CFAP251: variants seen among roughly 807,000 people sequenced by gnomAD.
CFAP251 encodes cilia- and flagella-associated protein 251.
Under a neutral mutation model 126.7 loss-of-function variants are expected in CFAP251, and 93 were observed. The observed-to-expected ratio is 0.73, with a 90% CI of 0.62 to 0.87. CFAP251 has a LOEUF of 0.87. Ranked by LOEUF, CFAP251 falls within the 40% of genes least tolerant of loss-of-function variation. The pLI, the probability that CFAP251 is intolerant of heterozygous loss-of-function variation, is 0.00. For missense variants in CFAP251, 1,287 were observed against 1,389.2 expected, an observed-to-expected ratio of 0.93 and a Z score of 1.17; for synonymous variants, 503 against 506.9, an observed-to-expected ratio of 0.99 and a Z score of 0.10.
intron 8 of CFAP251, chr12:121,949,842 T>C: frequency 6.6e-6 from 1 of 152,362 alleles, no homozygotes; most frequent in Non-Finnish European, 1.5e-5. Flanking sequence ...TGAGCTGTGA[T>C]GGTGATGGTG....
At chr12:121,976,900 C>A (rs1047385041) in intron 19 of CFAP251, among the ~76,000 whole-genome samples, 1 of 151,852 alleles carries the variant, frequency 6.6e-6, no homozygotes, top group African/African-American at 2.4e-5. Context: ...AGAGCGAGAC[C>A]CTGTCTCAAA....
At chr12:121,923,485 T>C in intron 2 of CFAP251, 137 bp from the exon 3 acceptor site, 1 of 1,182,066 alleles carries the variant, frequency 8.5e-7, no homozygotes, top group Non-Finnish European at 1.2e-6. Flanking sequence ...GTACAAAATG[T>C]TCCAGCCTCT....
At chr12:121,968,285 T>C in intron 17 of CFAP251, 116 bp downstream of exon 17, 1 of 1,074,138 alleles carries the variant, frequency 9.3e-7, no homozygotes, top group Non-Finnish European at 1.3e-6. Flanking sequence ...TCACAGGGCC[T>C]GGCCTTCAGG....
chr12:121,941,474 C>T (rs1592973102), intron 5 of CFAP251, among the ~76,000 whole-genome samples: 1 of 149,830 alleles, frequency 6.7e-6, no homozygotes, highest in East Asian at 2.0e-4. Flanking sequence ...GTTGGGCCCA[C>T]AGGCACGTGC....
chr12:121,999,655 A>G (rs1198047446), intron 19 of CFAP251, 61 bp from the exon 20 acceptor site: 1 of 1,377,006 alleles, frequency 7.3e-7, no homozygotes, highest in African/African-American at 1.5e-5. Context: ...ATTTTTAGAA[A>G]TCTATCCTGG....
intron 7 of CFAP251, among the ~76,000 whole-genome samples, chr12:121,945,113 G>T (rs1881267281): frequency 6.6e-6 from 1 of 151,866 alleles, no homozygotes; most frequent in Non-Finnish European, 1.5e-5. Flanking sequence ...CTTTCTTCTT[G>T]GGTATTGTCA....
intron 15 of CFAP251, among the ~76,000 whole-genome samples, chr12:121,963,381 T>C (rs547399867): frequency 6.6e-6 from 1 of 152,046 alleles, no homozygotes; most frequent in South Asian, 2.1e-4. Context: ...CAAGGCAAGC[T>C]TGAGATGCCT....
intron 19 of CFAP251, among the ~76,000 whole-genome samples, chr12:121,979,563 C>CTTTT (rs71082922): frequency 4.7e-5 from 4 of 85,002 alleles, no homozygotes; most frequent in East Asian, 4.3e-4. Context: ...CTTTCTTCTT[C>CTTTT]TTTTTTTTTT....
intron 8 of CFAP251, chr12:121,951,175 C>T (rs1434888858): frequency 2.6e-5 from 5 of 194,254 alleles, no homozygotes; most frequent in Admixed American, 5.7e-5. Flanking sequence ...GAGCTGAGAT[C>T]GCGCCACTGC....
At chr12:121,954,748 G>A (rs758918903) in intron 10 of CFAP251, among the ~76,000 whole-genome samples, 4 of 148,142 alleles carry the variant, frequency 2.7e-5, no homozygotes, top group Non-Finnish European at 4.5e-5. Context: ...AACATTGGTT[G>A]CCTCTGAGGA....
rs1283919788 is a variant in CFAP251 at position 121,975,610 on chromosome 12, G to A, written c.2931G>A (p.Lys977=). ...SQGIDTMETR[K]VSEHICLSEL... Reference sequence around the variant, plus strand: ...GCATCGACACAATGGAGACCAGAAAGGTGTCAGAACACATTTGCCTGTCAG... The same window carrying A: ...GCATCGACACAATGGAGACCAGAAAAGTGTCAGAACACATTTGCCTGTCAG... The change falls in exon 19 of 22, where the codon AAG becomes AAA. Residue 977 remains lysine (K), a synonymous_variant. Transcript: ENST00000288912. The A allele has an allele frequency of 1.9e-6, 3 of 1,604,492 alleles. No individual in the cohort carries two copies. The East Asian group carries it at 6.7e-5, about 36-fold the overall frequency.
chr12:121,997,029 G>A (rs973956859), intron 19 of CFAP251: 5 of 152,292 alleles, frequency 3.3e-5, no homozygotes, highest in African/African-American at 7.2e-5. Flanking sequence ...GTGACAACTC[G>A]AGAGCAACAA....
intron 19 of CFAP251, among the ~76,000 whole-genome samples, chr12:121,993,849 G>T (rs113227793): frequency 2.3e-5 from 3 of 128,880 alleles, no homozygotes; most frequent in African/African-American, 8.8e-5. Context: ...GGAGGTGGGG[G>T]GGGTCAGCCC....
chr12:121,966,587 C>CTTT (rs555396249), intron 15 of CFAP251, among the ~76,000 whole-genome samples: 1 of 123,504 alleles, frequency 8.1e-6, no homozygotes, highest in South Asian at 2.7e-4. Flanking sequence ...ACCAAAGAGT[C>CTTT]TTTTTTTTTT....
chr12:121,966,318 T>C (rs1785471703), intron 15 of CFAP251, among the ~76,000 whole-genome samples: 1 of 132,048 alleles, frequency 7.6e-6, no homozygotes, highest in Non-Finnish European at 1.6e-5. Flanking sequence ...TGGAGTGCAG[T>C]AGCGTGATTT....
chr12:121,980,599 T>G (rs2135803869), intron 19 of CFAP251, among the ~76,000 whole-genome samples: 1 of 152,054 alleles, frequency 6.6e-6, no homozygotes, highest in Admixed American at 6.5e-5. Context: ...CCACCCTCCT[T>G]AGCCTCCCAC....
At chr12:121,935,553 C>CTGACAGTTTTAAGG (rs1880860471) in intron 5 of CFAP251, among the ~76,000 whole-genome samples, 1 of 152,234 alleles carries the variant, frequency 6.6e-6, no homozygotes, top group African/African-American at 2.4e-5. Flanking sequence ...TTTTTGATGA[C>CTGACAGTTTTAAGG]TGACAGTTTT....
intron 3 of CFAP251, among the ~76,000 whole-genome samples, chr12:121,931,065 A>G (rs768915850): frequency 6.6e-5 from 10 of 151,922 alleles, no homozygotes; most frequent in Non-Finnish European, 1.2e-4. Context: ...CCTTTCTTAT[A>G]AAGTTACGTA....
Position 121,999,812 on chromosome 12 carries a change from C to T in CFAP251, c.3103C>T (p.Leu1035Phe). The T allele has an allele frequency of 6.2e-7, 1 of 1,614,068 alleles. No homozygotes were observed. Among genetic ancestry groups the T allele is most frequent in the Non-Finnish European group, 8.5e-7 (1 of 1,179,990 alleles). ...CTTACCAGATTTCCTAAAAGTGTAC[C>T]TTAACCACAAGCCACCTTTTGGTAA... ...INLPDFLKVYLNHKPPFGNTM... is the reference protein window; with the variant it reads ...INLPDFLKVYFNHKPPFGNTM... The change falls in exon 20 of 22, where the codon CTT becomes TTT. Residue 1035 changes from leucine (L) to phenylalanine (F), a missense_variant. Transcript: ENST00000288912.
Sources: allele counts gnomAD v4.1 joint callset (sites outside exome capture counted in the v4.1 genomes callset), GRCh38; gene constraint gnomAD v4.1.1; transcripts MANE v1.5; gene names NCBI Gene and HGNC (gene_info 2026-07-23, HGNC 2026-07-21).